The following SUGCT variants were observed in gnomAD, a reference collection of about 807,000 sequenced individuals.
SUGCT encodes the protein succinyl-CoA:glutarate-CoA transferase, also known as succinyl-CoA:glutarate CoA-transferase.
A neutral mutation model predicts 55.0 loss-of-function variants in SUGCT; 41 were observed. The observed-to-expected ratio is 0.74, with a 90% CI of 0.58 to 0.97. SUGCT has a LOEUF of 0.97. SUGCT is among the 50% of genes least tolerant of loss of function. The pLI is 0.00. For synonymous variants in SUGCT, 187 were observed against 200.4 expected (o/e 0.93, Z 0.56); for missense variants, 568 against 547.8 (o/e 1.04, Z -0.37).
intron 12 of SUGCT, among the ~76,000 whole-genome samples, chr7:40,599,755 C>T (rs1798198038): frequency 6.6e-6 from 1 of 152,120 alleles, no homozygotes; most frequent in African/African-American, 2.4e-5. Flanking sequence ...CTAGCTATAC[C>T]TTCAAGCAGT....
chr7:40,199,825 A>G (rs2150761655), intron 6 of SUGCT, among the ~76,000 whole-genome samples: 1 of 151,976 alleles, frequency 6.6e-6, no homozygotes, highest in East Asian at 1.9e-4. Context: ...AGGGTTTGAA[A>G]AGTGCCTTTT....
intron 9 of SUGCT, among the ~76,000 whole-genome samples, chr7:40,409,695 A>G (rs1186613137): frequency 6.7e-6 from 1 of 149,168 alleles, no homozygotes; most frequent in Non-Finnish European, 1.5e-5. Flanking sequence ...CCTGTGTATT[A>G]TTTTGGATAA....
chr7:40,880,640 T>A, the SUGCT span, among the ~76,000 whole-genome samples: 1 of 152,228 alleles, frequency 6.6e-6, no homozygotes, highest in African/African-American at 2.4e-5. Flanking sequence ...TTTTGAGAAC[T>A]GAGTAAAATT....
At chr7:40,218,620 G>C (rs1300174632) in intron 6 of SUGCT, among the ~76,000 whole-genome samples, 1 of 151,996 alleles carries the variant, frequency 6.6e-6, no homozygotes, top group Non-Finnish European at 1.5e-5. Flanking sequence ...TCAGTGCTCT[G>C]TGTCTAGCTA....
chr7:40,993,043 A>G, the SUGCT span, among the ~76,000 whole-genome samples: 2 of 152,138 alleles, frequency 1.3e-5, no homozygotes, highest in African/African-American at 2.4e-5. Context: ...GGATATGTGC[A>G]TAAATCACCT....
intron 12 of SUGCT, among the ~76,000 whole-genome samples, chr7:40,652,517 T>A (rs1235991523): frequency 6.6e-6 from 1 of 152,210 alleles, no homozygotes; most frequent in Admixed American, 6.5e-5. Context: ...GCTTTCTGGT[T>A]TTTGGTCTGT....
intron 9 of SUGCT, among the ~76,000 whole-genome samples, chr7:40,354,684 A>G (rs1480500889): frequency 6.6e-6 from 1 of 152,238 alleles, no homozygotes; most frequent in African/African-American, 2.4e-5. Flanking sequence ...GTGGAATGCA[A>G]TTCCAGAGAG....
At chr7:40,377,213 C>CT (rs372602684) in intron 9 of SUGCT, among the ~76,000 whole-genome samples, 4,523 of 12,726 alleles carry the variant, frequency 0.36, 1,783 homozygotes, top group East Asian at 0.98. Flanking sequence ...CTTTTCTTTT[C>CT]TTTCTTTTCT....
the SUGCT span, among the ~76,000 whole-genome samples, chr7:40,898,255 A>G: frequency 2.0e-5 from 3 of 152,172 alleles, no homozygotes; most frequent in Non-Finnish European, 4.4e-5. Context: ...TCGTGAGTTC[A>G]GAGATACCAC....
chr7:40,392,123 G>A (rs545710500), intron 9 of SUGCT, among the ~76,000 whole-genome samples: 6 of 152,202 alleles, frequency 3.9e-5, no homozygotes, highest in African/African-American at 7.2e-5. Flanking sequence ...GTCACACACC[G>A]GGGCCTGTCG....
the SUGCT span, among the ~76,000 whole-genome samples, chr7:40,980,667 C>T: frequency 2.0e-5 from 3 of 152,108 alleles, no homozygotes; most frequent in Non-Finnish European, 4.4e-5. Context: ...GGTGAGTAGT[C>T]CTAAGCAAGT....
At chr7:40,993,029 C>T in the SUGCT span, among the ~76,000 whole-genome samples, 5 of 152,070 alleles carry the variant, frequency 3.3e-5, no homozygotes, top group Non-Finnish European at 5.9e-5. Flanking sequence ...GGTTTCTCAA[C>T]CTTGGATATG....
chr7:40,594,178 G>A (rs374065590), intron 12 of SUGCT, among the ~76,000 whole-genome samples: 1 of 152,090 alleles, frequency 6.6e-6, no homozygotes, highest in African/African-American at 2.4e-5. Context: ...ACTGTGGTGG[G>A]GTGCGGGGAG....
intron 12 of SUGCT, among the ~76,000 whole-genome samples, chr7:40,647,183 C>G (rs1800560351): frequency 6.6e-6 from 1 of 152,160 alleles, no homozygotes; most frequent in South Asian, 2.1e-4. Flanking sequence ...CATTAAATCA[C>G]TATTATATCA....
the SUGCT span, among the ~76,000 whole-genome samples, chr7:40,950,716 G>A: frequency 1.4e-4 from 21 of 152,190 alleles, no homozygotes; most frequent in South Asian, 6.2e-4. Flanking sequence ...TGAGATAATC[G>A]TGTGGTTTTT....
intron 9 of SUGCT, among the ~76,000 whole-genome samples, chr7:40,366,292 A>T (rs897336142): frequency 6.6e-6 from 1 of 152,180 alleles, no homozygotes; most frequent in Non-Finnish European, 1.5e-5. Context: ...TAAACATTAG[A>T]CCTAAAACCA....
chr7:40,863,459 G>A (rs1051475705), downstream of SUGCT, among the ~76,000 whole-genome samples: 12 of 152,128 alleles, frequency 7.9e-5, no homozygotes, highest in African/African-American at 1.7e-4. Flanking sequence ...CAGGTCCCAC[G>A]TGGCTCAATG....
At chr7:40,421,048 A>C (rs1282033930) in intron 9 of SUGCT, among the ~76,000 whole-genome samples, 1 of 151,922 alleles carries the variant, frequency 6.6e-6, no homozygotes, top group Non-Finnish European at 1.5e-5. Flanking sequence ...TCCTGTTCCC[A>C]TCCTGTGCCT....
chr7:40,294,556 T>G (rs1234342731), intron 8 of SUGCT, among the ~76,000 whole-genome samples: 1 of 152,162 alleles, frequency 6.6e-6, no homozygotes, highest in Non-Finnish European at 1.5e-5. Flanking sequence ...AAGATGATGA[T>G]GATTTGAGAC....
Sources: allele counts gnomAD v4.1 joint callset (sites outside exome capture counted in the v4.1 genomes callset), GRCh38; gene constraint gnomAD v4.1.1; transcripts MANE v1.5; gene names NCBI Gene and HGNC (gene_info 2026-07-23, HGNC 2026-07-21).